NARS2: variants seen among roughly 807,000 people sequenced by gnomAD.
The protein encoded by NARS2 is asparaginyl-tRNA synthetase 2, mitochondrial.
NARS2 carries 60 observed loss-of-function variants against 62.9 expected under a neutral mutation model. The ratio of observed to expected loss-of-function variants is 0.95; its 90% CI spans 0.77 to 1.18. The LOEUF is 1.18. Among genes scored for constraint, NARS2 ranks in the 50% most tolerant of loss-of-function variants. The pLI is 0.00. For missense variants in NARS2, 619 were observed against 576.4 expected, an observed-to-expected ratio of 1.07 and a Z score of -0.76; for synonymous variants, 196 against 200.0, an observed-to-expected ratio of 0.98 and a Z score of 0.17.
chr11:78,504,306 T>G (rs1346383574), intron 6 of NARS2, among the ~76,000 whole-genome samples: 2 of 152,186 alleles, frequency 1.3e-5, no homozygotes. Context: ...CTAATTCACA[T>G]GCTAAATCCA....
At chr11:78,476,762 T>G (rs1859116546) in intron 9 of NARS2, among the ~76,000 whole-genome samples, 1 of 152,206 alleles carries the variant, frequency 6.6e-6, no homozygotes, top group Admixed American at 6.5e-5. Context: ...TTTCCAACCT[T>G]AACATTTTAT....
intron 2 of NARS2, among the ~76,000 whole-genome samples, chr11:78,569,040 C>G (rs1856832522): frequency 6.6e-6 from 1 of 152,012 alleles, no homozygotes; most frequent in African/African-American, 2.4e-5. Flanking sequence ...GGCCAAAACA[C>G]TTTTTAAAAG....
chr11:78,443,701 T>C lies in NARS2; in HGVS notation c.1222A>G (p.Arg408Gly). The change falls in exon 12 of 14, where the codon AGA becomes GGA. Residue 408 changes from arginine to glycine, a missense_variant. By Grantham distance (125) the Arg-to-Gly change is moderately radical (BLOSUM62 -2). Transcript: ENST00000281038. Reference protein sequence around the residue: ...GVGELFGGGLREERYHFLEER... With the variant: ...GVGELFGGGLGEERYHFLEER... Reference sequence around the variant, plus strand: ...TCTAAGAAATGGTATCGTTCTTCTCTGAGGCCTCCTCCAAAGAGTTCCCCA... The same window carrying C: ...TCTAAGAAATGGTATCGTTCTTCTCCGAGGCCTCCTCCAAAGAGTTCCCCA... 3.1e-6 allele frequency: 5 copies of C among 1,613,818 alleles called. No homozygotes were observed. Among genetic ancestry groups the C allele is most frequent in the Non-Finnish European group, 4.2e-6 (5 of 1,179,794 alleles).
At chr11:78,549,612 T>C (rs1177932259) in intron 5 of NARS2, among the ~76,000 whole-genome samples, 1 of 152,188 alleles carries the variant, frequency 6.6e-6, no homozygotes, top group East Asian at 1.9e-4. Context: ...ACGCTGCCCT[T>C]GAAAACTATG....
At chr11:78,509,112 GAAAAAAAA>G (rs201305584) in intron 6 of NARS2, among the ~76,000 whole-genome samples, 1 of 84,736 alleles carries the variant, frequency 1.2e-5, no homozygotes, top group African/African-American at 4.5e-5. Flanking sequence ...CTTTAAAAAG[GAAAAAAAA>G]AAAAAAAAAG....
At chr11:78,487,005 G>A (rs1565230732) in intron 7 of NARS2, among the ~76,000 whole-genome samples, 1 of 152,088 alleles carries the variant, frequency 6.6e-6, no homozygotes, top group African/African-American at 2.4e-5. Flanking sequence ...AAAGAAGAAA[G>A]AATTAGTAAG....
intron 10 of NARS2, 41 bp downstream of exon 10, chr11:78,469,206 C>A: frequency 1.5e-6 from 2 of 1,325,462 alleles, no homozygotes; most frequent in Non-Finnish European, 2.2e-6. Flanking sequence ...AAGAAGGAAG[C>A]ATTTTCACAC....
At chr11:78,556,346 A>G (rs983538967) in intron 5 of NARS2, among the ~76,000 whole-genome samples, 1 of 151,930 alleles carries the variant, frequency 6.6e-6, no homozygotes, top group Non-Finnish European at 1.5e-5. Context: ...ATGTATACAT[A>G]AAGCAATTCC....
intron 10 of NARS2, 55 bp from the exon 11 acceptor site, chr11:78,466,068 T>C (rs2135213999): frequency 6.6e-7 from 1 of 1,517,040 alleles, no homozygotes; most frequent in Non-Finnish European, 8.8e-7. Context: ...AAATATACAA[T>C]TAAGCAGCTG....
rs953880936 is a variant in NARS2 at position 78,436,463 on chromosome 11, C to G, written c.*207G>C. On this transcript the variant is annotated 3_prime_UTR_variant, in exon 14 of 14. Transcript: ENST00000281038. ...GAGAGTCCCCTTGCTATAAGTACCTCTTCTTGCGGGAGCTCATCCTTACGT... is the reference window on the plus strand; with the variant it reads ...GAGAGTCCCCTTGCTATAAGTACCTGTTCTTGCGGGAGCTCATCCTTACGT... 3.0e-5 allele frequency: 17 copies of G among 560,010 alleles called. No homozygotes were observed. Among genetic ancestry groups the G allele is most frequent in the Middle Eastern group, 5.0e-4 (1 of 2,014 alleles). The allele number at this position is 560,010 out of a possible 1,614,324, so 34.7% of individuals were successfully genotyped here.
Position 78,458,847 on chromosome 11 carries a change from T to G in NARS2, c.1164+7029A>C, listed in dbSNP as rs904684282. Among the ~76,000 whole-genome samples the G allele has an allele frequency of 2.0e-5, 3 of 152,294 alleles. No homozygotes were observed. In the South Asian group the frequency reaches 6.2e-4, roughly 32 times the overall value. On this transcript the variant is annotated intron_variant, in intron 11 of 13. Coordinates refer to ENST00000281038, the MANE Select transcript of NARS2 (RefSeq NM_024678.6). ...CTTGTTGTGGGAGATAACTGAATCA[T>G]GGGGATATTTTCCCCATACTGTTCT...
chr11:78,493,872 C>A (rs1859937950), intron 6 of NARS2, among the ~76,000 whole-genome samples: 1 of 152,066 alleles, frequency 6.6e-6, no homozygotes, highest in Non-Finnish European at 1.5e-5. Flanking sequence ...GAAAAAAACA[C>A]CGCAGCCCAA....
At chr11:78,514,576 C>G (rs983697962) in intron 6 of NARS2, among the ~76,000 whole-genome samples, 1 of 152,170 alleles carries the variant, frequency 6.6e-6, no homozygotes, top group African/African-American at 2.4e-5. Flanking sequence ...TTTTTTAAAA[C>G]AACTCACATG....
intron 6 of NARS2, among the ~76,000 whole-genome samples, chr11:78,511,883 GAAAC>G (rs879723020): frequency 1.6e-4 from 24 of 151,986 alleles, no homozygotes; most frequent in Non-Finnish European, 3.1e-4. Context: ...AAAAGAAAAA[GAAAC>G]AAACAATGAT....
chr11:78,563,851 A>AAAAAAATAT (rs1404770578), intron 4 of NARS2, among the ~76,000 whole-genome samples: 1 of 34,022 alleles, frequency 2.9e-5, no homozygotes, highest in African/African-American at 9.4e-5. Flanking sequence ...AAAAAAAAAA[A>AAAAAAATAT]ATATATATAT....
intron 10 of NARS2, among the ~76,000 whole-genome samples, chr11:78,467,607 G>C (rs960511747): frequency 6.6e-6 from 1 of 151,726 alleles, no homozygotes; most frequent in Non-Finnish European, 1.5e-5. Flanking sequence ...AATAAACAAA[G>C]GAGTTCCTTC....
intron 7 of NARS2, among the ~76,000 whole-genome samples, chr11:78,492,485 T>C (rs1859867119): frequency 6.6e-6 from 1 of 152,184 alleles, no homozygotes; most frequent in Non-Finnish European, 1.5e-5. Context: ...AAGTTCAAAC[T>C]CCTTACTATG....
At chr11:78,550,413 G>A (rs1386977544) in intron 5 of NARS2, among the ~76,000 whole-genome samples, 1 of 151,980 alleles carries the variant, frequency 6.6e-6, no homozygotes, top group Admixed American at 6.6e-5. Flanking sequence ...AAAACCTCAG[G>A]TCAGCTCATC....
rs1160481958 is a variant in NARS2, at chr11:78,493,129, G to A, written c.756C>T (p.His252=). The change falls in exon 7 of 14, where the codon CAC becomes CAT. Residue 252 remains histidine, a synonymous_variant. Coordinates refer to ENST00000281038, the MANE Select transcript of NARS2 (RefSeq NM_024678.6). ...FRAENSQSRR[H]LAEFYMIEAE... ...CTTCTATCATATAAAACTCTGCCAG[G>A]TGCCTCCGGCTCTGAGAATTTTCAG... 1.2e-6 allele frequency: 2 copies of A among 1,613,598 alleles called. No homozygotes were observed. Among genetic ancestry groups the A allele is most frequent in the Non-Finnish European group, 1.7e-6 (2 of 1,179,696 alleles).
Sources: gnomAD v4.1 joint callset for allele counts (sites outside exome capture counted in the v4.1 genomes callset) on GRCh38, gnomAD v4.1.1 for gene constraint, MANE v1.5 for transcripts, NCBI Gene and HGNC (gene_info 2026-07-23, HGNC 2026-07-21) for gene names.